SHANK2: variants seen among roughly 807,000 people sequenced by gnomAD.
SHANK2 encodes SH3 and multiple ankyrin repeat domains protein 2.
SHANK2 carries 43 observed loss-of-function variants against 133.7 expected under a neutral mutation model. That is an observed-to-expected ratio of 0.32 (90% CI 0.25 to 0.41). The LOEUF is 0.41. Ranked by LOEUF, SHANK2 falls within the 10% of genes least tolerant of loss-of-function variation. The pLI, the probability that SHANK2 is intolerant of heterozygous loss-of-function variation, is 1.00. For missense variants in SHANK2, 1,994 were observed against 2,235.8 expected, an observed-to-expected ratio of 0.89 and a Z score of 2.18; for synonymous variants, 1,017 against 952.8, an observed-to-expected ratio of 1.07 and a Z score of -1.24.
At chr11:71,220,241 G>T (rs1954507845) in intron 2 of SHANK2, among the ~76,000 whole-genome samples, 1 of 151,960 alleles carries the variant, frequency 6.6e-6, no homozygotes, top group Non-Finnish European at 1.5e-5. Context: ...TCTCAAAACA[G>T]AAACAAACAA....
intron 14 of SHANK2, among the ~76,000 whole-genome samples, chr11:70,702,469 C>T (rs1945558704): frequency 2.0e-5 from 3 of 151,904 alleles, no homozygotes; most frequent in African/African-American, 7.3e-5. Flanking sequence ...ACTATCATCA[C>T]CACTAATCAT....
chr11:70,910,984 T>G (rs536395794), intron 10 of SHANK2: 1 of 457,022 alleles, frequency 2.2e-6, no homozygotes. Flanking sequence ...TGATGATGCA[T>G]CCCTCTCTAA....
At chr11:70,510,963 G>C (rs1471570616) in intron 17 of SHANK2, among the ~76,000 whole-genome samples, 3 of 152,226 alleles carry the variant, frequency 2.0e-5, no homozygotes, top group Non-Finnish European at 4.4e-5. Flanking sequence ...CTGGTCTTAA[G>C]TTCTCATCCT....
intron 14 of SHANK2, among the ~76,000 whole-genome samples, chr11:70,773,591 C>A (rs1947300805): frequency 6.6e-6 from 1 of 152,200 alleles, no homozygotes; most frequent in South Asian, 2.1e-4. Flanking sequence ...TTTTAATTTT[C>A]TTCCTTATAC....
At chr11:70,702,765 C>A (rs782578899) in intron 14 of SHANK2, among the ~76,000 whole-genome samples, 2 of 152,198 alleles carry the variant, frequency 1.3e-5, no homozygotes, top group East Asian at 3.8e-4. Flanking sequence ...GATTTCTTGT[C>A]CCTGGTTTAC....
intron 17 of SHANK2, among the ~76,000 whole-genome samples, chr11:70,540,650 G>A (rs1026014234): frequency 4.6e-5 from 7 of 151,902 alleles, no homozygotes; most frequent in East Asian, 1.9e-4. Context: ...ACTGTACTGC[G>A]GTAAAATCCA....
intron 15 of SHANK2, among the ~76,000 whole-genome samples, chr11:70,681,100 C>T (rs1302199531): frequency 2.0e-5 from 3 of 152,160 alleles, no homozygotes; most frequent in Non-Finnish European, 2.9e-5. Flanking sequence ...ACTGGCTGCT[C>T]GGGGATGCCT....
intron 11 of SHANK2, among the ~76,000 whole-genome samples, chr11:70,832,431 C>T (rs1397289197): frequency 1.3e-5 from 2 of 152,212 alleles, no homozygotes; most frequent in Admixed American, 6.5e-5. Flanking sequence ...TAAGGGCTCC[C>T]GTGGCAGCAG....
At chr11:70,641,872 C>A (rs782486808) in intron 17 of SHANK2, among the ~76,000 whole-genome samples, 1 of 152,144 alleles carries the variant, frequency 6.6e-6, no homozygotes, top group South Asian at 2.1e-4. Context: ...GGCAGTCCAG[C>A]GGGCAGGCAA....
At position 71,066,928 on chromosome 11, in the gene SHANK2, T is replaced by C. The variant is rs996937178; in HGVS notation, c.1029+8231A>G. ...GTGCTTCTGCCTGACCTGTGCCCAGTAGAGGCCCCTTCCCCAGTCAGTGGG... is the reference window on the plus strand; with the variant it reads ...GTGCTTCTGCCTGACCTGTGCCCAGCAGAGGCCCCTTCCCCAGTCAGTGGG... On this transcript the variant is annotated intron_variant, in intron 9 of 25. Transcript: ENST00000601538. 4.4e-3 allele frequency among the ~76,000 whole-genome samples: 663 copies of C among 152,184 alleles called. 4 individuals are homozygous for C. Among genetic ancestry groups the C allele is most frequent in the Non-Finnish European group, 7.6e-3 (515 of 67,998 alleles).
rs148327710 is a variant in SHANK2 at position 71,206,270 on chromosome 11, G to A, written c.-13+18427C>T. 1.1e-3 allele frequency among the ~76,000 whole-genome samples: 163 copies of A among 152,330 alleles called. 2 individuals are homozygous for A. Among genetic ancestry groups the A allele is most frequent in the African/African-American group, 3.2e-3 (135 of 41,574 alleles). Reference sequence around the variant, plus strand: ...GGAAGGGCTGGAACAACGCCTGCACGTGATCAACAGCATCCGCACACCCGG... The same window carrying A: ...GGAAGGGCTGGAACAACGCCTGCACATGATCAACAGCATCCGCACACCCGG... On this transcript the variant is annotated intron_variant, in intron 2 of 25. Coordinates refer to ENST00000601538, the MANE Select transcript of SHANK2 (RefSeq NM_012309.5).
chr11:71,219,875 G>A (rs1555120731), intron 2 of SHANK2, among the ~76,000 whole-genome samples: 1 of 151,366 alleles, frequency 6.6e-6, no homozygotes, highest in Non-Finnish European at 1.5e-5. Context: ...TCCAGCCTGG[G>A]CAACAGAGCG....
In SHANK2 at chr11:70,703,449, C is replaced by T. The variant is rs1421635908; in HGVS notation, c.1778-4686G>A. ...GCCTCGGTTTCTAACCTGGAAAAAG[C>T]GGGGTGGGCTAGACGGCCCTTGGGA... On this transcript the variant is annotated intron_variant, in intron 14 of 25. Transcript: ENST00000601538. Among the ~76,000 whole-genome samples, 15 of 152,168 alleles carry T rather than the reference C, an allele frequency of 9.9e-5. No homozygotes were observed. In the South Asian group the frequency reaches 1.0e-3, roughly 10 times the overall value.
At chr11:70,690,246 A>G (rs1199016635) in intron 15 of SHANK2, among the ~76,000 whole-genome samples, 1 of 152,106 alleles carries the variant, frequency 6.6e-6, no homozygotes, top group Non-Finnish European at 1.5e-5. Flanking sequence ...TCAAGAAGCC[A>G]TAATTTTTCT....
intron 3 of SHANK2, among the ~76,000 whole-genome samples, chr11:71,141,237 G>A (rs1952548000): frequency 1.3e-5 from 2 of 152,106 alleles, no homozygotes; most frequent in South Asian, 2.1e-4. Context: ...CTACCTCAAG[G>A]CTGACAGCAG....
At chr11:71,064,369 C>T (rs1951021693) in intron 9 of SHANK2, among the ~76,000 whole-genome samples, 1 of 152,124 alleles carries the variant, frequency 6.6e-6, no homozygotes, top group African/African-American at 2.4e-5. Flanking sequence ...CAGAGGCCAC[C>T]CCAGCAGAGC....
At chr11:71,151,053 CAT>C (rs1555107972) in intron 2 of SHANK2, among the ~76,000 whole-genome samples, 4 of 152,120 alleles carry the variant, frequency 2.6e-5, no homozygotes, top group African/African-American at 9.7e-5. Context: ...GAAAGGGCGA[CAT>C]GATTCACCCA....
At chr11:70,797,832 TAC>T (rs368707688) in intron 14 of SHANK2, among the ~76,000 whole-genome samples, 7,507 of 141,938 alleles carry the variant, frequency 0.053, 248 homozygotes, top group East Asian at 0.19. Context: ...TCCACTCTCA[TAC>T]ACACACACAC....
chr11:70,640,942 C>A (rs1245090587), intron 17 of SHANK2, among the ~76,000 whole-genome samples: 1 of 152,178 alleles, frequency 6.6e-6, no homozygotes, highest in Non-Finnish European at 1.5e-5. Flanking sequence ...TGCAAAGAGC[C>A]TCTTCGCTTG....
Sources: gnomAD v4.1 joint callset for allele counts (sites outside exome capture counted in the v4.1 genomes callset) on GRCh38, gnomAD v4.1.1 for gene constraint, MANE v1.5 for transcripts, NCBI Gene and HGNC (gene_info 2026-07-23, HGNC 2026-07-21) for gene names.